The following SPAG16 variants were observed in gnomAD, a reference collection of about 807,000 sequenced individuals.
SPAG16 encodes sperm associated antigen 16.
SPAG16 carries 86 observed loss-of-function variants against 80.4 expected under a neutral mutation model. The ratio of observed to expected loss-of-function variants is 1.07; its 90% confidence interval spans 0.90 to 1.28. The LOEUF (loss-of-function observed/expected upper bound fraction) is 1.28, where lower values mean the gene tolerates loss of function less well. SPAG16 is among the 50% of genes most tolerant of loss of function. SPAG16 has a pLI of 0.00. For missense variants in SPAG16, 870 were observed against 765.3 expected (o/e 1.14, Z -1.61); for synonymous variants, 294 against 265.9 (o/e 1.11, Z -1.03).
intron 10 of SPAG16, among the ~76,000 whole-genome samples, chr2:213,851,476 C>G (rs955401150): frequency 3.9e-5 from 6 of 152,100 alleles, no homozygotes; most frequent in African/African-American, 1.4e-4. Context: ...CCACTGCACT[C>G]CAGCCTGGGT....
intron 15 of SPAG16, among the ~76,000 whole-genome samples, chr2:214,230,675 C>A (rs997061174): frequency 2.0e-5 from 3 of 151,918 alleles, no homozygotes; most frequent in African/African-American, 7.2e-5. Flanking sequence ...AAACCAAGAT[C>A]TCTCCAGAGG....
At chr2:213,341,139 A>C (rs2064666323) in intron 6 of SPAG16, among the ~76,000 whole-genome samples, 1 of 152,222 alleles carries the variant, frequency 6.6e-6, no homozygotes. Flanking sequence ...CACTTGGTGT[A>C]TACTCAGATA....
intron 10 of SPAG16, among the ~76,000 whole-genome samples, chr2:213,643,519 A>AACCTT (rs2062703071): frequency 1.3e-5 from 2 of 148,158 alleles, no homozygotes; most frequent in South Asian, 4.2e-4. Context: ...GGTGTTCTAC[A>AACCTT]ACCTTCTTGT....
At chr2:214,181,144 C>T (rs967236312) in intron 15 of SPAG16, among the ~76,000 whole-genome samples, 24 of 151,590 alleles carry the variant, frequency 1.6e-4, no homozygotes, top group Non-Finnish European at 1.5e-5. Context: ...TAGCAATAGT[C>T]AGAACATAGC....
At chr2:213,471,972 T>G (rs146570278) in intron 9 of SPAG16, among the ~76,000 whole-genome samples, 128 of 152,306 alleles carry the variant, frequency 8.4e-4, no homozygotes, top group African/African-American at 3.1e-3. Context: ...TCCCTAAATT[T>G]TAGTCAGATT....
chr2:213,971,014 A>G (rs1018701880), intron 12 of SPAG16, among the ~76,000 whole-genome samples: 1 of 152,214 alleles, frequency 6.6e-6, no homozygotes, highest in Non-Finnish European at 1.5e-5. Context: ...TATGTATATT[A>G]ACAAATTGGC....
At chr2:214,261,819 T>A (rs1374051166) in intron 15 of SPAG16, among the ~76,000 whole-genome samples, 1 of 152,146 alleles carries the variant, frequency 6.6e-6, no homozygotes, top group African/African-American at 2.4e-5. Flanking sequence ...TTTATAATTT[T>A]TATGCTAAAG....
chr2:213,326,980 A>G (rs1048189647), intron 5 of SPAG16, among the ~76,000 whole-genome samples: 4 of 152,010 alleles, frequency 2.6e-5, no homozygotes, highest in African/African-American at 9.7e-5. Flanking sequence ...TTAATATTGC[A>G]TAATTGAATT....
intron 10 of SPAG16, among the ~76,000 whole-genome samples, chr2:213,573,687 C>G (rs920310576): frequency 1.3e-5 from 2 of 152,036 alleles, no homozygotes; most frequent in African/African-American, 4.8e-5. Context: ...AAATGTAAGT[C>G]CATGATTTCT....
intron 10 of SPAG16, among the ~76,000 whole-genome samples, chr2:213,766,022 A>G (rs2068920927): frequency 6.6e-6 from 1 of 152,246 alleles, no homozygotes; most frequent in Non-Finnish European, 1.5e-5. Flanking sequence ...CTTCTGTTTC[A>G]TATACTGAGA....
At chr2:214,300,647 A>G (rs760129180) in intron 15 of SPAG16, among the ~76,000 whole-genome samples, 117 of 152,252 alleles carry the variant, frequency 7.7e-4, no homozygotes, top group Non-Finnish European at 1.4e-3. Flanking sequence ...GTGACACACA[A>G]TTTAACATGA....
At chr2:214,322,672 A>G (rs1249715979) in intron 15 of SPAG16, among the ~76,000 whole-genome samples, 1 of 152,230 alleles carries the variant, frequency 6.6e-6, no homozygotes, top group Non-Finnish European at 1.5e-5. Flanking sequence ...GTATAATTAA[A>G]TTATGGTTCA....
intron 12 of SPAG16, among the ~76,000 whole-genome samples, chr2:213,971,621 G>T (rs10205070): frequency 0.41 from 62,911 of 151,886 alleles, 13,058 homozygotes; most frequent in South Asian, 0.5. Flanking sequence ...ACCCCAAACA[G>T]AAACTATGTT....
intron 7 of SPAG16, among the ~76,000 whole-genome samples, chr2:213,359,223 A>T (rs533490199): frequency 1.9e-4 from 29 of 152,298 alleles, no homozygotes; most frequent in African/African-American, 6.7e-4. Context: ...GTCAGGCTGC[A>T]TGGGGATCAG....
intron 10 of SPAG16, among the ~76,000 whole-genome samples, chr2:213,857,103 G>A (rs761855439): frequency 3.3e-5 from 5 of 152,056 alleles, no homozygotes; most frequent in African/African-American, 7.2e-5. Flanking sequence ...GGTGGCGGGC[G>A]CCTGAAATCC....
At chr2:213,439,059 G>C (rs1311645142) in intron 9 of SPAG16, among the ~76,000 whole-genome samples, 1 of 152,192 alleles carries the variant, frequency 6.6e-6, no homozygotes, top group Non-Finnish European at 1.5e-5. Flanking sequence ...CGGAGACTCA[G>C]ATGAGAATTG....
At chr2:213,566,215 A>C (rs1192433278) in intron 10 of SPAG16, among the ~76,000 whole-genome samples, 3 of 152,210 alleles carry the variant, frequency 2.0e-5, no homozygotes, top group Non-Finnish European at 4.4e-5. Context: ...TGGAGGAATT[A>C]TCCAAATTGG....
chr2:214,051,580 C>T (rs540491165), intron 13 of SPAG16, among the ~76,000 whole-genome samples: 1 of 152,104 alleles, frequency 6.6e-6, no homozygotes, highest in Non-Finnish European at 1.5e-5. Context: ...TATGCACTAC[C>T]CCTGCTGTCT....
intron 10 of SPAG16, among the ~76,000 whole-genome samples, chr2:213,659,228 T>G (rs1207571532): frequency 6.6e-6 from 1 of 151,946 alleles, no homozygotes; most frequent in Non-Finnish European, 1.5e-5. Flanking sequence ...AGTATTAAAG[T>G]GCATGAGCAA....
Sources: gnomAD v4.1 joint callset for allele counts (sites outside exome capture counted in the v4.1 genomes callset) on GRCh38, gnomAD v4.1.1 for gene constraint, MANE v1.5 for transcripts, NCBI Gene and HGNC (gene_info 2026-07-23, HGNC 2026-07-21) for gene names.